The following KIAA1217 variants were observed in gnomAD, a reference collection of about 807,000 sequenced individuals.
The protein encoded by KIAA1217 is KIAA1217, also known as sickle tail protein homolog.
KIAA1217 carries 88 observed loss-of-function variants against 163.9 expected under a neutral mutation model. That is an observed-to-expected ratio of 0.54 (90% CI 0.45 to 0.64). KIAA1217 has a LOEUF of 0.64. Among genes scored for constraint, KIAA1217 ranks in the 30% least tolerant of loss-of-function variants. The probability of loss-of-function intolerance (pLI) is 0.00; values close to 1 mark genes in which losing one functional copy is unlikely to be tolerated. For synonymous variants in KIAA1217, 903 were observed against 923.1 expected (o/e 0.98, Z 0.39); for missense variants, 2,372 against 2,475.0 (o/e 0.96, Z 0.88).
chr10:23,785,844 G>A (rs371318359), intron 1 of KIAA1217, among the ~76,000 whole-genome samples: 37 of 152,156 alleles, frequency 2.4e-4, no homozygotes, highest in African/African-American at 8.9e-4. Context: ...AAGAGTTGAG[G>A]AGAAAAGAGT....
intron 2 of KIAA1217, among the ~76,000 whole-genome samples, chr10:24,193,424 T>C (rs1232505836): frequency 2.6e-5 from 4 of 152,210 alleles, no homozygotes; most frequent in African/African-American, 9.7e-5. Flanking sequence ...TCCTCCCTGA[T>C]CCAAATGTAG....
At chr10:23,753,460 C>T (rs1254456050) in intron 1 of KIAA1217, among the ~76,000 whole-genome samples, 5 of 152,160 alleles carry the variant, frequency 3.3e-5, no homozygotes, top group Non-Finnish European at 5.9e-5. Context: ...GAGCTACCTA[C>T]CTGTTTCTTA....
intron 1 of KIAA1217, among the ~76,000 whole-genome samples, chr10:23,706,666 G>T (rs1302283929): frequency 2.0e-5 from 3 of 152,082 alleles, no homozygotes; most frequent in Non-Finnish European, 4.4e-5. Flanking sequence ...GACTTAGTTT[G>T]TTGAGAATTT....
At chr10:24,063,695 G>C (rs1466148746) in intron 2 of KIAA1217, among the ~76,000 whole-genome samples, 2 of 152,156 alleles carry the variant, frequency 1.3e-5, no homozygotes, top group African/African-American at 2.4e-5. Flanking sequence ...TTGGTAGCTT[G>C]ATGGGGATGG....
chr10:24,148,236 A>T (rs532546646), intron 2 of KIAA1217, among the ~76,000 whole-genome samples: 55 of 152,286 alleles, frequency 3.6e-4, no homozygotes, highest in African/African-American at 1.3e-3. Flanking sequence ...TCTTGCACAA[A>T]TCGAACCGAG....
Position 24,209,324 on chromosome 10 carries a change from G to A in KIAA1217, c.70+61G>A, listed in dbSNP as rs866803538. ...GGACGCGTGCCCCTTGCCGCTTGCT[G>A]CTTTTTATAAACTGCAGCTCTGGGA... On this transcript the variant is annotated intron_variant, in intron 1 of 20. Coordinates refer to ENST00000376454, the MANE Select transcript of KIAA1217 (RefSeq NM_019590.5). 6 of 1,291,994 alleles carry A rather than the reference G, an allele frequency of 4.6e-6. No homozygotes were observed. In the Middle Eastern group the frequency reaches 5.7e-4, roughly 122 times the overall value. The allele number at this position is 1,291,994 out of a possible 1,614,324, so 80.0% of individuals were successfully genotyped here. A position where few individuals can be genotyped will look rare whatever the true frequency, so the allele number is the denominator to read the frequency against.
chr10:24,086,373 T>C (rs1294461733), intron 2 of KIAA1217, among the ~76,000 whole-genome samples: 1 of 152,244 alleles, frequency 6.6e-6, no homozygotes, highest in Non-Finnish European at 1.5e-5. Context: ...CAGACTGACA[T>C]TAGCCAGAAT....
intron 1 of KIAA1217, among the ~76,000 whole-genome samples, chr10:23,755,924 T>C (rs1468679359): frequency 6.6e-6 from 1 of 152,184 alleles, no homozygotes; most frequent in Non-Finnish European, 1.5e-5. Context: ...TTGGTTATTA[T>C]GTGATTCTGA....
At chr10:23,963,690 C>T (rs1344804555) in intron 1 of KIAA1217, among the ~76,000 whole-genome samples, 2 of 152,162 alleles carry the variant, frequency 1.3e-5, no homozygotes, top group Non-Finnish European at 1.5e-5. Context: ...GGAATTGCCA[C>T]AGTGTCTTCC....
intron 1 of KIAA1217, among the ~76,000 whole-genome samples, chr10:24,000,743 G>T (rs1051553209): frequency 6.6e-6 from 1 of 152,240 alleles, no homozygotes; most frequent in African/African-American, 2.4e-5. Context: ...AACACTGTCA[G>T]ATTTATTCAA....
chr10:24,061,461 CTATA>C (rs2060718764), intron 2 of KIAA1217, among the ~76,000 whole-genome samples: 1 of 152,144 alleles, frequency 6.6e-6, no homozygotes, highest in African/African-American at 2.4e-5. Flanking sequence ...CTCTATTTGA[CTATA>C]TATTTACCTT....
intron 6 of KIAA1217, among the ~76,000 whole-genome samples, chr10:24,492,222 GA>G (rs779923777): frequency 2.6e-4 from 39 of 152,192 alleles, no homozygotes; most frequent in Non-Finnish European, 5.3e-4. Flanking sequence ...TTTTTTCTGA[GA>G]TGCTACTGTG....
At chr10:24,345,074 G>C (rs796360568) in intron 2 of KIAA1217, among the ~76,000 whole-genome samples, 6 of 152,290 alleles carry the variant, frequency 3.9e-5, no homozygotes, top group African/African-American at 1.4e-4. Context: ...GACAAAAGGG[G>C]TATATAGTCT....
intron 2 of KIAA1217, among the ~76,000 whole-genome samples, chr10:24,286,902 C>T (rs945091467): frequency 3.3e-5 from 5 of 152,112 alleles, no homozygotes; most frequent in Non-Finnish European, 5.9e-5. Context: ...ACCTGGTCAG[C>T]GCATTTATTT....
chr10:24,505,894 A>C (rs1296531039), intron 9 of KIAA1217, among the ~76,000 whole-genome samples: 1 of 152,068 alleles, frequency 6.6e-6, no homozygotes, highest in African/African-American at 2.4e-5. Flanking sequence ...GCCTCGTGGA[A>C]ATGTGCCAGG....
At chr10:23,983,221 T>G (rs1207028860) in intron 1 of KIAA1217, among the ~76,000 whole-genome samples, 1 of 152,170 alleles carries the variant, frequency 6.6e-6, no homozygotes, top group Non-Finnish European at 1.5e-5. Context: ...TTCAGCTTGC[T>G]TTACTGTACT....
intron 1 of KIAA1217, among the ~76,000 whole-genome samples, chr10:23,700,108 T>G (rs1212006841): frequency 2.0e-5 from 3 of 152,196 alleles, no homozygotes; most frequent in Non-Finnish European, 2.9e-5. Context: ...ACTTTATGGA[T>G]AGACGTGACC....
At chr10:24,358,049 A>T (rs1371083011) in intron 2 of KIAA1217, among the ~76,000 whole-genome samples, 1 of 152,242 alleles carries the variant, frequency 6.6e-6, no homozygotes, top group African/African-American at 2.4e-5. Flanking sequence ...CACAGAGCCA[A>T]GACTCCCAAG....
At chr10:24,023,500 AG>A (rs1847819419) in intron 2 of KIAA1217, among the ~76,000 whole-genome samples, 1 of 151,626 alleles carries the variant, frequency 6.6e-6, no homozygotes, top group Non-Finnish European at 1.5e-5. Context: ...TGGGTACAAA[AG>A]CTGTGTACTG....
Sources: gnomAD v4.1 joint callset for allele counts (sites outside exome capture counted in the v4.1 genomes callset) on GRCh38, gnomAD v4.1.1 for gene constraint, MANE v1.5 for transcripts, NCBI Gene and HGNC (gene_info 2026-07-23, HGNC 2026-07-21) for gene names.